The following DOCK8 variants were observed in gnomAD, a reference collection of about 807,000 sequenced individuals.
DOCK8 encodes dedicator of cytokinesis protein 8.
A neutral mutation model predicts 245.6 loss-of-function variants in DOCK8; 141 were observed. The ratio of observed to expected loss-of-function variants is 0.57; its 90% CI spans 0.50 to 0.66. DOCK8 has a LOEUF of 0.66. Among genes scored for constraint, DOCK8 ranks in the 30% least tolerant of loss-of-function variants. The pLI, the probability that DOCK8 is intolerant of heterozygous loss-of-function variation, is 0.00. For synonymous variants in DOCK8, 1,168 were observed against 970.2 expected, an observed-to-expected ratio of 1.20 and a Z score of -3.79; for missense variants, 2,965 against 2,603.4, an observed-to-expected ratio of 1.14 and a Z score of -3.02.
intron 43 of DOCK8, among the ~76,000 whole-genome samples, chr9:444,613 C>T (rs2057196464): frequency 6.6e-6 from 1 of 152,184 alleles, no homozygotes; most frequent in Non-Finnish European, 1.5e-5. Flanking sequence ...AGCCCCTCTC[C>T]TGTCTCCAGA....
intron 14 of DOCK8, among the ~76,000 whole-genome samples, chr9:354,102 C>A (rs1298814695): frequency 3.9e-5 from 6 of 152,176 alleles, no homozygotes. Flanking sequence ...GAGGCCAAGG[C>A]AGGTGGATCA....
At chr9:233,334 G>C (rs2047163958) in intron 1 of DOCK8, among the ~76,000 whole-genome samples, 1 of 152,112 alleles carries the variant, frequency 6.6e-6, no homozygotes, top group Non-Finnish European at 1.5e-5. Context: ...GTCAATTTTG[G>C]AATAGGTGTG....
At chr9:419,795 G>A (rs887746873) in intron 30 of DOCK8, among the ~76,000 whole-genome samples, 3 of 152,246 alleles carry the variant, frequency 2.0e-5, no homozygotes, top group African/African-American at 7.2e-5. Flanking sequence ...CAAATAGCCT[G>A]AACCCCCACA....
intron 46 of DOCK8, among the ~76,000 whole-genome samples, chr9:462,416 A>C (rs1319435133): frequency 6.6e-6 from 1 of 152,194 alleles, no homozygotes; most frequent in Non-Finnish European, 1.5e-5. Context: ...GCAAGTTTTC[A>C]TTCTGCCTCT....
At chr9:395,185 T>G (rs2054390292) in intron 24 of DOCK8, among the ~76,000 whole-genome samples, 3 of 152,176 alleles carry the variant, frequency 2.0e-5, no homozygotes, top group Admixed American at 6.5e-5. Context: ...AAGCCATCTC[T>G]GTGTCCCAAA....
rs1209271625 is a variant in DOCK8 at position 414,956 on chromosome 9, T to C, written c.3700+5T>C. The C allele has an allele frequency of 1.9e-6, 3 of 1,613,006 alleles. No homozygotes were observed. The highest frequency in any genetic ancestry group is 4.5e-5 in the East Asian group (2 of 44,884). On this transcript the variant is annotated splice_donor_5th_base_variant and intron_variant, in intron 29 of 47. Transcript: ENST00000432829. ...CACAGCTCTGTGACTTTACAGGTAA[T>C]GGCCCTTCTGTTTTCTTTCTTGGAT...
intron 5 of DOCK8, among the ~76,000 whole-genome samples, chr9:308,028 A>G (rs956548948): frequency 9.9e-5 from 15 of 152,224 alleles, no homozygotes; most frequent in African/African-American, 3.6e-4. Flanking sequence ...AGTAGAGGGT[A>G]GAAGTGGTAA....
chr9:217,831 G>A (rs1469459844), intron 1 of DOCK8, among the ~76,000 whole-genome samples: 3 of 152,150 alleles, frequency 2.0e-5, no homozygotes, highest in Non-Finnish European at 4.4e-5. Context: ...TGGAGATACA[G>A]CTGCACAAGG....
intron 26 of DOCK8, among the ~76,000 whole-genome samples, chr9:400,889 ACCACC>A (rs2131475939): frequency 8.6e-6 from 1 of 116,910 alleles, no homozygotes. Context: ...CTCCACCACC[ACCACC>A]TCCCCCACTA....
At chr9:336,006 A>C (rs895355173) in intron 11 of DOCK8, among the ~76,000 whole-genome samples, 1 of 152,192 alleles carries the variant, frequency 6.6e-6, no homozygotes, top group Non-Finnish European at 1.5e-5. Flanking sequence ...TGGGCAAACT[A>C]TCAGGGTCCC....
chr9:251,331 C>T (rs998536505), intron 1 of DOCK8, among the ~76,000 whole-genome samples: 1 of 152,086 alleles, frequency 6.6e-6, no homozygotes, highest in African/African-American at 2.4e-5. Context: ...AAATCTTTTA[C>T]CCATTGCTAA....
chr9:308,729 C>G (rs906280969), intron 5 of DOCK8, among the ~76,000 whole-genome samples: 9 of 152,194 alleles, frequency 5.9e-5, no homozygotes, highest in African/African-American at 1.2e-4. Context: ...ACGATCTTGG[C>G]TCACTGCAAC....
At chr9:441,700 T>C (rs2131812232) in intron 41 of DOCK8, among the ~76,000 whole-genome samples, 175 bp from the exon 42 acceptor site, 1 of 152,368 alleles carries the variant, frequency 6.6e-6, no homozygotes, top group African/African-American at 2.4e-5. Flanking sequence ...CCTTTTGTTG[T>C]TATTTCTGAA....
intron 46 of DOCK8, chr9:460,336 A>G (rs2057765840): frequency 6.6e-6 from 1 of 152,318 alleles, no homozygotes; most frequent in East Asian, 1.9e-4. Flanking sequence ...TGATTTTACC[A>G]AAGTTGTCCG....
At chr9:304,742 G>T in intron 5 of DOCK8, 38 bp downstream of exon 5, 1 of 1,613,902 alleles carries the variant, frequency 6.2e-7, no homozygotes, top group Non-Finnish European at 8.5e-7. Context: ...CAGGTTACTG[G>T]GCTCTTCTGC....
At chr9:385,265 A>G (rs944095886) in intron 22 of DOCK8, among the ~76,000 whole-genome samples, 8 of 152,236 alleles carry the variant, frequency 5.3e-5, no homozygotes, top group African/African-American at 1.9e-4. Flanking sequence ...AACTGGTGAA[A>G]TCCGAGTCGT....
chr9:362,913 C>G (rs996495738), intron 14 of DOCK8, among the ~76,000 whole-genome samples: 1 of 152,132 alleles, frequency 6.6e-6, no homozygotes, highest in African/African-American at 2.4e-5. Flanking sequence ...CTATTCTCAG[C>G]AAAAGAAATA....
chr9:453,205 A>G (rs763312552), intron 46 of DOCK8, among the ~76,000 whole-genome samples: 1 of 152,224 alleles, frequency 6.6e-6, no homozygotes, highest in Non-Finnish European at 1.5e-5. Flanking sequence ...CCTGCAGTGA[A>G]TCACAGCCGC....
At chr9:249,533 C>G (rs2047597611) in intron 1 of DOCK8, among the ~76,000 whole-genome samples, 1 of 152,142 alleles carries the variant, frequency 6.6e-6, no homozygotes, top group African/African-American at 2.4e-5. Context: ...TAATACAATT[C>G]TTACTCTTAG....
Sources: allele counts gnomAD v4.1 joint callset (sites outside exome capture counted in the v4.1 genomes callset), GRCh38; gene constraint gnomAD v4.1.1; transcripts MANE v1.5; gene names NCBI Gene and HGNC (gene_info 2026-07-23, HGNC 2026-07-21).